The following RGS12 variants were observed in gnomAD, a reference collection of about 807,000 sequenced individuals.
The protein encoded by RGS12 is regulator of G-protein signaling 12.
Under a neutral mutation model 120.1 loss-of-function variants are expected in RGS12, and 66 were observed. The observed-to-expected ratio is 0.55, with a 90% CI of 0.45 to 0.67. The LOEUF is 0.67. RGS12 is among the 30% of genes least tolerant of loss of function. The pLI, the probability that RGS12 is intolerant of heterozygous loss-of-function variation, is 0.00. For missense variants in RGS12, 1,859 were observed against 1,957.7 expected, an observed-to-expected ratio of 0.95 and a Z score of 0.95; for synonymous variants, 827 against 804.7, an observed-to-expected ratio of 1.03 and a Z score of -0.47.
chr4:3,330,080 G>C (rs977558640), intron 2 of RGS12, among the ~76,000 whole-genome samples: 10 of 152,222 alleles, frequency 6.6e-5, no homozygotes, highest in African/African-American at 2.2e-4. Flanking sequence ...CTCTGGCCCA[G>C]ATTTCACATG....
upstream of RGS12, among the ~76,000 whole-genome samples, chr4:3,291,574 T>G (rs1723022216): frequency 6.6e-6 from 1 of 152,206 alleles, no homozygotes; most frequent in Non-Finnish European, 1.5e-5. Context: ...CTCGAACTCC[T>G]GAGCTCCGGC....
chr4:3,370,306 T>G, intron 3 of RGS12: 1 of 1,614,170 alleles, frequency 6.2e-7, no homozygotes, highest in Non-Finnish European at 8.5e-7. Flanking sequence ...AAACCCATGT[T>G]TCTAATGACC....
intron 4 of RGS12, among the ~76,000 whole-genome samples, chr4:3,392,594 C>T (rs577520264): frequency 1.3e-5 from 2 of 152,266 alleles, no homozygotes; most frequent in East Asian, 1.9e-4. Flanking sequence ...GAATTCCTGC[C>T]GATCAGCCTG....
chr4:3,362,441 T>C (rs1399990959), intron 3 of RGS12, among the ~76,000 whole-genome samples: 9 of 142,600 alleles, frequency 6.3e-5, no homozygotes, highest in African/African-American at 2.4e-4. Context: ...TGTGCAAGGG[T>C]GTGTGTGTGA....
chr4:3,424,563 C>T (rs1207796233), intron 13 of RGS12, among the ~76,000 whole-genome samples: 1 of 152,202 alleles, frequency 6.6e-6, no homozygotes, highest in East Asian at 1.9e-4. Context: ...GTTTCCCTGA[C>T]TGTAAAATGG....
chr4:3,344,848 G>A (rs1367059774), intron 3 of RGS12, among the ~76,000 whole-genome samples: 2 of 152,170 alleles, frequency 1.3e-5, no homozygotes, highest in Admixed American at 6.5e-5. Context: ...CAGGTGGCAG[G>A]GCTGCCTGTC....
intron 3 of RGS12, among the ~76,000 whole-genome samples, chr4:3,354,387 A>G (rs779475848): frequency 1.3e-5 from 2 of 152,154 alleles, no homozygotes. Flanking sequence ...TTGGTACTTA[A>G]TCATACTGGG....
intron 17 of RGS12, chr4:3,431,505 T>C (rs887094493): frequency 6.4e-5 from 63 of 986,666 alleles, no homozygotes; most frequent in Non-Finnish European, 7.3e-5. Context: ...GGAGTGGAGG[T>C]GACGTCAGCA....
chr4:3,329,376 G>A (rs1354021241), intron 2 of RGS12, among the ~76,000 whole-genome samples: 1 of 152,220 alleles, frequency 6.6e-6, no homozygotes. Flanking sequence ...TGAGTGGCAT[G>A]AGAAGTTCCT....
chr4:3,368,997 T>C (rs1716684260), intron 3 of RGS12, among the ~76,000 whole-genome samples: 1 of 152,064 alleles, frequency 6.6e-6, no homozygotes, highest in Non-Finnish European at 1.5e-5. Context: ...ACAGGGCTTC[T>C]GAGGCCACTC....
At chr4:3,405,910 A>T (rs969553436) in intron 4 of RGS12, among the ~76,000 whole-genome samples, 2 of 142,632 alleles carry the variant, frequency 1.4e-5, no homozygotes, top group African/African-American at 4.8e-5. Flanking sequence ...TTCAAAAGAA[A>T]AAGTTGCCCC....
chr4:3,287,196 G>A, the RGS12 span, among the ~76,000 whole-genome samples: 1 of 152,222 alleles, frequency 6.6e-6, no homozygotes, highest in African/African-American at 2.4e-5. Context: ...CGGCGTTTGC[G>A]TGATTGTTCA....
chr4:3,428,601 A>G lies in RGS12; in HGVS notation c.3455A>G (p.Lys1152Arg). 1 of 1,604,582 alleles carries G rather than the reference A, an allele frequency of 6.2e-7. No individual in the cohort carries two copies. Among genetic ancestry groups the G allele is most frequent in the Non-Finnish European group, 8.5e-7 (1 of 1,177,384 alleles). Residue 1152 changes from lysine (K) to arginine (R), a missense_variant, in exon 16 of 18, where the codon AAA becomes AGA. Physicochemically the swap from Lys to Arg is conservative, Grantham distance 26 (BLOSUM62 2). Coordinates refer to ENST00000336727, the MANE Select transcript of RGS12 (RefSeq NM_001394154.1). Reference protein sequence around the residue: ...TLGKSNSIKIKGENGKNARDP... With the variant: ...TLGKSNSIKIRGENGKNARDP... ...GGCAAGTCTAATTCTATTAAAATAAAAGGAGAAAATGGAAAAAATGCTAGG... is the reference window on the plus strand; with the variant it reads ...GGCAAGTCTAATTCTATTAAAATAAGAGGAGAAAATGGAAAAAATGCTAGG...
intron 17 of RGS12, 25 bp downstream of exon 17, chr4:3,430,980 A>G: frequency 6.2e-7 from 1 of 1,608,472 alleles, no homozygotes; most frequent in Non-Finnish European, 8.5e-7. Flanking sequence ...TGATCCCTCC[A>G]CCTTGGCCCC....
Position 3,371,588 on chromosome 4 carries a change from G to A in RGS12, c.1999-14828G>A, listed in dbSNP as rs114676220. Among the ~76,000 whole-genome samples, 263 of 152,272 alleles carry A rather than the reference G, an allele frequency of 1.7e-3. 1 individual carries two copies. The highest frequency in any genetic ancestry group is 6.1e-3 in the African/African-American group (255 of 41,550). On this transcript the variant is annotated intron_variant, in intron 3 of 17. Coordinates refer to ENST00000336727, the MANE Select transcript of RGS12 (RefSeq NM_001394154.1). ...ACACTGGCAGATAAGTTGTTCACGG[G>A]AGTGTATTGGAATCTGGCTGATGTG...
intron 3 of RGS12, among the ~76,000 whole-genome samples, chr4:3,343,461 T>G (rs1246307781): frequency 2.6e-5 from 4 of 152,192 alleles, no homozygotes; most frequent in African/African-American, 7.2e-5. Context: ...AAAGATTTTA[T>G]TTTTTATAGC....
intron 13 of RGS12, among the ~76,000 whole-genome samples, chr4:3,424,631 G>T (rs144297018): frequency 2.0e-5 from 3 of 152,358 alleles, no homozygotes; most frequent in Admixed American, 6.5e-5. Context: ...TGGAAGGGCT[G>T]GCTGCGGTCA....
intron 4 of RGS12, among the ~76,000 whole-genome samples, chr4:3,397,401 C>T (rs1360386145): frequency 6.6e-6 from 1 of 152,174 alleles, no homozygotes. Flanking sequence ...AGGATTAACC[C>T]TCATATGAGT....
At chr4:3,423,733 A>G in intron 13 of RGS12, 92 bp downstream of exon 13, 1 of 1,464,942 alleles carries the variant, frequency 6.8e-7, no homozygotes, top group Non-Finnish European at 9.2e-7. Flanking sequence ...AGGGCACACC[A>G]AGAAGCGGTG....
Sources: gnomAD v4.1 joint callset for allele counts (sites outside exome capture counted in the v4.1 genomes callset) on GRCh38, gnomAD v4.1.1 for gene constraint, MANE v1.5 for transcripts, NCBI Gene and HGNC (gene_info 2026-07-23, HGNC 2026-07-21) for gene names.